Variants in PIEZO2 observed in about 807,000 individuals in gnomAD.
PIEZO2 encodes the protein piezo type mechanosensitive ion channel component 2.
In PIEZO2, 172 loss-of-function variants were observed where a neutral mutation model predicts 337.3. That is an observed-to-expected ratio of 0.51 (90% CI 0.45 to 0.58). PIEZO2 has a LOEUF of 0.58. Ranked by LOEUF, PIEZO2 falls within the 20% of genes least tolerant of loss-of-function variation. The pLI, the probability that PIEZO2 is intolerant of heterozygous loss-of-function variation, is 0.00. For missense variants in PIEZO2, 3,028 were observed against 3,391.3 expected (o/e 0.89, Z 2.66); for synonymous variants, 1,251 against 1,228.5 (o/e 1.02, Z -0.38).
In PIEZO2 at chr18:10,773,965, C is replaced by T; in HGVS notation, c.2567+41G>A. The T allele has an allele frequency of 1.4e-6, 1 of 702,530 alleles. No homozygotes were observed. The highest frequency in any genetic ancestry group is 2.6e-6 in the Non-Finnish European group (1 of 384,878). The allele number at this position is 702,530 out of a possible 1,614,324, so 43.5% of individuals were successfully genotyped here. A position where few individuals can be genotyped will look rare whatever the true frequency, so the allele number is the denominator to read the frequency against. Reference sequence around the variant, plus strand: ...AGGGTGTAGAAGCATGAAATGGCATCATGTAGAGCAAGCATTTCATGGCTT... The same window carrying T: ...AGGGTGTAGAAGCATGAAATGGCATTATGTAGAGCAAGCATTTCATGGCTT... On this transcript the variant is annotated intron_variant, in intron 19 of 55. Coordinates refer to ENST00000674853, the MANE Select transcript of PIEZO2 (RefSeq NM_001378183.1). The surrounding 1 kb of genome is among the most constrained non-coding windows in gnomAD (Gnocchi z 5.3).
intron 4 of PIEZO2, among the ~76,000 whole-genome samples, chr18:10,879,284 T>C (rs908156016): frequency 1.6e-4 from 25 of 152,298 alleles, no homozygotes; most frequent in African/African-American, 6.0e-4. Context: ...TGACCTAAGC[T>C]GCACTGTTTT....
At position 10,727,082 on chromosome 18, in the gene PIEZO2, G is replaced by A. The variant is rs979911637; in HGVS notation, c.5029+4325C>T. On this transcript the variant is annotated intron_variant, in intron 36 of 55. Transcript: ENST00000674853. This position sits in a 1 kb window ranked among gnomAD's most constrained non-coding sequence, Gnocchi z 6.3. ...GGGCAGGAGCATTCCTTGAGAAGGA[G>A]TGGCAACATCAAAGGGTTTGTGTCC... 5.8e-6 allele frequency: 3 copies of A among 519,282 alleles called. No homozygotes were observed. The allele number at this position is 519,282 out of a possible 1,614,324, so 32.2% of individuals were successfully genotyped here.
intron 49 of PIEZO2, among the ~76,000 whole-genome samples, chr18:10,685,938 C>A (rs1477608673): frequency 6.8e-6 from 1 of 148,024 alleles, no homozygotes; most frequent in Admixed American, 6.7e-5. Flanking sequence ...TGGCTCTTTG[C>A]CACAACTGAC....
intron 4 of PIEZO2, among the ~76,000 whole-genome samples, chr18:10,875,212 AC>A (rs2042239955): frequency 6.6e-6 from 1 of 152,218 alleles, no homozygotes; most frequent in Non-Finnish European, 1.5e-5. Context: ...GTCTTAAAAT[AC>A]AGCAAATTCC....
rs528146229 is a variant in PIEZO2, at chr18:11,047,240, T to C, written c.160+18887A>G. ...AATGGACGCAAACTTGTCCGAGCTG[T>C]TGGATGGTCAGCTAAGGTTGTGGAT... On this transcript the variant is annotated intron_variant, in intron 2 of 55. Coordinates refer to ENST00000674853, the MANE Select transcript of PIEZO2 (RefSeq NM_001378183.1). The surrounding 1 kb of genome is among the most constrained non-coding windows in gnomAD (Gnocchi z 7.2). 4.6e-5 allele frequency among the ~76,000 whole-genome samples: 7 copies of C among 152,196 alleles called. No homozygotes were observed. The East Asian group carries it at 7.8e-4, about 17-fold the overall frequency.
At chr18:10,744,277 G>A (rs1234180409) in intron 30 of PIEZO2, 46 bp from the exon 31 acceptor site, 2 of 1,215,542 alleles carry the variant, frequency 1.6e-6, no homozygotes, top group Non-Finnish European at 2.3e-6. Flanking sequence ...TCTTGCCATT[G>A]TTGTTCCCCT....
At position 10,929,828 on chromosome 18, in the gene PIEZO2, A is replaced by G. The variant is rs1181009323; in HGVS notation, c.287-18600T>C. Among the ~76,000 whole-genome samples, 9 of 152,188 alleles carry G rather than the reference A, an allele frequency of 5.9e-5. No individual in the cohort carries two copies. Among genetic ancestry groups the G allele is most frequent in the Non-Finnish European group, 1.5e-5 (1 of 68,024 alleles). On this transcript the variant is annotated intron_variant, in intron 3 of 55. Coordinates refer to ENST00000674853, the MANE Select transcript of PIEZO2 (RefSeq NM_001378183.1). The surrounding 1 kb of genome is among the most constrained non-coding windows in gnomAD (Gnocchi z 5.6). ...CCTTTATGGTGCTGTAAACAAAAAT[A>G]AAATTCTAAGGCCCCCAAGAGACTG...
chr18:11,041,598 A>G (rs182718172), intron 2 of PIEZO2, among the ~76,000 whole-genome samples: 178 of 152,332 alleles, frequency 1.2e-3, no homozygotes, highest in African/African-American at 4.2e-3. Flanking sequence ...TTACCATATT[A>G]TCTCTCCACA....
At position 11,006,813 on chromosome 18, in the gene PIEZO2, A is replaced by C. The variant is rs2035741606; in HGVS notation, c.161-27153T>G. ...ACTATGAAGTATGTTCTTAGTAAAA[A>C]AATTATTCCCTAGTAGTCTAAAAAA... On this transcript the variant is annotated intron_variant, in intron 2 of 55. Transcript: ENST00000674853. 2.6e-5 allele frequency among the ~76,000 whole-genome samples: 4 copies of C among 152,184 alleles called. No individual in the cohort carries two copies. The South Asian group carries it at 8.3e-4, about 32-fold the overall frequency.
chr18:11,128,144 A>G lies in PIEZO2; in HGVS notation c.64+20381T>C, dbSNP rs2040238119. On this transcript the variant is annotated intron_variant, in intron 1 of 55. Coordinates refer to ENST00000674853, the MANE Select transcript of PIEZO2 (RefSeq NM_001378183.1). This position sits in a 1 kb window ranked among gnomAD's most constrained non-coding sequence, Gnocchi z 4.1. ...TACCTTTAACCATATGTGGAGAACC[A>G]AGGAACGTAATAAAGCTGGTTGGTT... 6.6e-6 allele frequency among the ~76,000 whole-genome samples: 1 copy of G among 152,136 alleles called. No individual in the cohort carries two copies. The highest frequency in any genetic ancestry group is 6.5e-5 in the Admixed American group (1 of 15,268).
rs1568412810 is a variant in PIEZO2 at position 11,143,635 on chromosome 18, A to ACTCT, written c.64+4889_64+4890insAGAG. ...CACACACACACACACACACACACAC[A>ACTCT]CACACTCTCTCTCTCTCTCTCTCTC... On this transcript the variant is annotated intron_variant, in intron 1 of 55. Coordinates refer to ENST00000674853, the MANE Select transcript of PIEZO2 (RefSeq NM_001378183.1). The surrounding 1 kb of genome is among the most constrained non-coding windows in gnomAD (Gnocchi z 4.9). Among the ~76,000 whole-genome samples the ACTCT allele has an allele frequency of 5.3e-5, 4 of 75,940 alleles. No homozygotes were observed. Among genetic ancestry groups the ACTCT allele is most frequent in the African/African-American group, 3.2e-4 (4 of 12,526 alleles). The allele number at this position is 75,940 out of a possible 152,430, so 49.8% of individuals were successfully genotyped here. A position where few individuals can be genotyped will look rare whatever the true frequency, so the allele number is the denominator to read the frequency against.
chr18:11,136,221 A>C (rs956193831), intron 1 of PIEZO2, among the ~76,000 whole-genome samples: 5 of 152,246 alleles, frequency 3.3e-5, no homozygotes, highest in Non-Finnish European at 5.9e-5. Flanking sequence ...TCAGAAATGC[A>C]GTGTGGCTCT....
chr18:10,714,883 G>A lies in PIEZO2; in HGVS notation c.5304C>T (p.His1768=). ...RESIHMYYQN[H]IMNLSRESGL... ...CCGACTCTCTGGAAAGGTTCATGAT[G>A]TGGTTCTGATAGTACATGTGGATGC... Residue 1768 remains histidine (H), a synonymous_variant, in exon 39 of 56, where the codon CAC becomes CAT. Transcript: ENST00000674853. The A allele has an allele frequency of 6.5e-7, 1 of 1,537,248 alleles. No homozygotes were observed. The highest frequency in any genetic ancestry group is 8.7e-7 in the Non-Finnish European group (1 of 1,146,900).
rs973798542 is a variant in PIEZO2 at position 10,724,691 on chromosome 18, G to T, written c.5030-6432C>A. 1.4e-5 allele frequency: 16 copies of T among 1,148,824 alleles called. No individual in the cohort carries two copies. Among genetic ancestry groups the T allele is most frequent in the Middle Eastern group, 4.1e-4 (2 of 4,900 alleles). 71.2% of individuals were successfully genotyped at this position (1,148,824 alleles called of 1,614,324 possible). ...CCACCTACCAGTCTGCTGTCCCTGC[G>T]TCATAGGCTGAAGCACTCAGACCGA... On this transcript the variant is annotated intron_variant, in intron 36 of 55. Coordinates refer to ENST00000674853, the MANE Select transcript of PIEZO2 (RefSeq NM_001378183.1). This position sits in a 1 kb window ranked among gnomAD's most constrained non-coding sequence, Gnocchi z 5.8.
chr18:10,888,343 A>G lies in PIEZO2; in HGVS notation c.330-16928T>C, dbSNP rs1250279846. On this transcript the variant is annotated intron_variant, in intron 4 of 55. Coordinates refer to ENST00000674853, the MANE Select transcript of PIEZO2 (RefSeq NM_001378183.1). This position sits in a 1 kb window ranked among gnomAD's most constrained non-coding sequence, Gnocchi z 4.1. Reference sequence around the variant, plus strand: ...CTCCTGGGAAATGTCCTTGTCATTCACTGTGCATTCTTCTACTTTCTGACA... The same window carrying G: ...CTCCTGGGAAATGTCCTTGTCATTCGCTGTGCATTCTTCTACTTTCTGACA... Among the ~76,000 whole-genome samples, 2 of 152,122 alleles carry G rather than the reference A, an allele frequency of 1.3e-5. No homozygotes were observed. The highest frequency in any genetic ancestry group is 1.3e-4 in the Admixed American group (2 of 15,260).
chr18:10,886,376 GTGTGTATATATATATATA>G (rs1406145970), intron 4 of PIEZO2, among the ~76,000 whole-genome samples: 3 of 13,800 alleles, frequency 2.2e-4, no homozygotes, highest in South Asian at 7.9e-3. Context: ...ATATGTGTGT[GTGTGTATATATATATATA>G]TATATATATA....
At position 10,928,918 on chromosome 18, in the gene PIEZO2, C is replaced by T. The variant is rs534910907; in HGVS notation, c.287-17690G>A. Among the ~76,000 whole-genome samples, 3 of 152,292 alleles carry T rather than the reference C, an allele frequency of 2.0e-5. No homozygotes were observed. The East Asian group carries it at 5.8e-4, about 29-fold the overall frequency. ...CTCACGGTGTCCAAAGTCAAACATT[C>T]CCCTGTCCTACTTGTGCAAAACTTT... On this transcript the variant is annotated intron_variant, in intron 3 of 55. Transcript: ENST00000674853.
chr18:10,765,131 G>A (rs2141263), intron 21 of PIEZO2, among the ~76,000 whole-genome samples: 2,549 of 152,320 alleles, frequency 0.017, 53 homozygotes, highest in African/African-American at 0.045. Flanking sequence ...CCTGCCCGCA[G>A]GAGGCATGTG....
chr18:10,763,601 G>A (rs1244904901), intron 21 of PIEZO2, among the ~76,000 whole-genome samples: 1 of 152,220 alleles, frequency 6.6e-6, no homozygotes, highest in African/African-American at 2.4e-5. Context: ...CAGGAGGTGA[G>A]GCTGGAGATG....
Sources: gnomAD v4.1 joint callset for allele counts (sites outside exome capture counted in the v4.1 genomes callset) on GRCh38, gnomAD v4.1.1 for gene constraint, Gnocchi (gnomAD v3.1) non-coding constraint, MANE v1.5 for transcripts, NCBI Gene and HGNC (gene_info 2026-07-23, HGNC 2026-07-21) for gene names.